Variants in NTNG1 observed in about 807,000 individuals in gnomAD.
NTNG1 encodes netrin G1.
A neutral mutation model predicts 54.0 loss-of-function variants in NTNG1; 16 were observed. That is an observed-to-expected ratio of 0.30 (90% CI 0.20 to 0.45). The LOEUF (loss-of-function observed/expected upper bound fraction) is 0.45. NTNG1 is among the 20% of genes least tolerant of loss of function. NTNG1 has a pLI of 1.00. For synonymous variants in NTNG1, 255 were observed against 263.1 expected (o/e 0.97, Z 0.30); for missense variants, 530 against 678.7 (o/e 0.78, Z 2.43).
At chr1:107,422,278 G>A (rs145644321) in intron 5 of NTNG1, among the ~76,000 whole-genome samples, 1 of 152,172 alleles carries the variant, frequency 6.6e-6, no homozygotes, top group African/African-American at 2.4e-5. Flanking sequence ...TATGTGGTGT[G>A]TCATATAGGC....
chr1:107,365,340 A>T (rs1297937498), intron 3 of NTNG1, among the ~76,000 whole-genome samples: 1 of 152,126 alleles, frequency 6.6e-6, no homozygotes, highest in Non-Finnish European at 1.5e-5. Context: ...GTTCCCTACC[A>T]AAAAAAGATA....
chr1:107,348,911 C>T (rs913441485), intron 3 of NTNG1, among the ~76,000 whole-genome samples: 13 of 152,210 alleles, frequency 8.5e-5, no homozygotes, highest in African/African-American at 2.9e-4. Context: ...TCAAAGTTCT[C>T]TTTTCCAAAC....
At chr1:107,348,012 CCATAT>C (rs1669358939) in intron 3 of NTNG1, among the ~76,000 whole-genome samples, 1 of 152,100 alleles carries the variant, frequency 6.6e-6, no homozygotes, top group Admixed American at 6.6e-5. Context: ...CAGAGCCAAA[CCATAT>C]CATATCTGTG....
chr1:107,221,239 T>C (rs1250716905), intron 2 of NTNG1, among the ~76,000 whole-genome samples: 1 of 152,166 alleles, frequency 6.6e-6, no homozygotes, highest in Non-Finnish European at 1.5e-5. Context: ...AATATACTTA[T>C]TAGCTTTTTT....
chr1:107,176,329 A>C (rs535787950), intron 2 of NTNG1, among the ~76,000 whole-genome samples: 1 of 152,326 alleles, frequency 6.6e-6, no homozygotes, highest in East Asian at 1.9e-4. Flanking sequence ...AATTAAAATA[A>C]AAATATGCAT....
intron 3 of NTNG1, among the ~76,000 whole-genome samples, chr1:107,357,895 T>C (rs1224357751): frequency 6.6e-6 from 1 of 152,158 alleles, no homozygotes; most frequent in Non-Finnish European, 1.5e-5. Flanking sequence ...ATATTAAAGT[T>C]GCACTTGGTT....
intron 3 of NTNG1, among the ~76,000 whole-genome samples, chr1:107,367,793 C>T (rs1270187920): frequency 6.6e-6 from 1 of 151,838 alleles, no homozygotes; most frequent in African/African-American, 2.4e-5. Context: ...CATGGAGTCT[C>T]ACTCTGTTGC....
At chr1:107,288,532 A>G (rs1665363563) in intron 2 of NTNG1, among the ~76,000 whole-genome samples, 1 of 152,198 alleles carries the variant, frequency 6.6e-6, no homozygotes, top group Admixed American at 6.5e-5. Context: ...TGGAGCAGGA[A>G]GATAATCAAA....
chr1:107,225,166 A>C (rs570573050), intron 2 of NTNG1, among the ~76,000 whole-genome samples: 1 of 152,116 alleles, frequency 6.6e-6, no homozygotes, highest in Non-Finnish European at 1.5e-5. Flanking sequence ...AGAACATAAG[A>C]TTTATATAGG....
chr1:107,201,341 A>G (rs543825961), intron 2 of NTNG1, among the ~76,000 whole-genome samples: 9 of 151,832 alleles, frequency 5.9e-5, no homozygotes, highest in South Asian at 4.2e-4. Context: ...CAATCTTCCA[A>G]TCTGAATCTC....
chr1:107,281,108 C>T (rs149681724), intron 2 of NTNG1, among the ~76,000 whole-genome samples: 10 of 152,234 alleles, frequency 6.6e-5, no homozygotes, highest in African/African-American at 1.9e-4. Context: ...TCTTATAGCA[C>T]ATTCTGGTGA....
At chr1:107,220,021 G>A (rs2101457148) in intron 2 of NTNG1, among the ~76,000 whole-genome samples, 1 of 152,230 alleles carries the variant, frequency 6.6e-6, no homozygotes, top group South Asian at 2.1e-4. Flanking sequence ...TCAGGTGTTA[G>A]GCATATCTGA....
chr1:107,341,385 T>C (rs996022345), intron 3 of NTNG1, among the ~76,000 whole-genome samples: 5 of 152,058 alleles, frequency 3.3e-5, no homozygotes, highest in Admixed American at 6.6e-5. Flanking sequence ...AAATTTATCA[T>C]TACCATATTC....
intron 2 of NTNG1, among the ~76,000 whole-genome samples, chr1:107,164,848 G>A (rs550069791): frequency 6.6e-5 from 10 of 152,178 alleles, no homozygotes; most frequent in Non-Finnish European, 1.3e-4. Flanking sequence ...TACTTCTATA[G>A]AAGGGTGCAA....
At chr1:107,369,047 CTT>C (rs1553233831) in intron 3 of NTNG1, among the ~76,000 whole-genome samples, 1 of 152,044 alleles carries the variant, frequency 6.6e-6, no homozygotes, top group Non-Finnish European at 1.5e-5. Flanking sequence ...TAATATGACT[CTT>C]TTATCACTTC....
At chr1:107,376,159 G>A (rs916840315) in intron 3 of NTNG1, among the ~76,000 whole-genome samples, 3 of 152,102 alleles carry the variant, frequency 2.0e-5, no homozygotes, top group African/African-American at 4.8e-5. Flanking sequence ...GGTGGCTCAC[G>A]CCTGTAATCC....
At chr1:107,287,841 T>C (rs372629178) in intron 2 of NTNG1, among the ~76,000 whole-genome samples, 1 of 152,158 alleles carries the variant, frequency 6.6e-6, no homozygotes, top group East Asian at 1.9e-4. Flanking sequence ...ACTCCTTTTT[T>C]AGATTAGGAT....
intron 3 of NTNG1, among the ~76,000 whole-genome samples, chr1:107,335,561 C>T (rs1668528072): frequency 6.6e-6 from 1 of 151,446 alleles, no homozygotes; most frequent in Admixed American, 6.6e-5. Flanking sequence ...TAGCGTGAGG[C>T]TAATTATGAG....
At chr1:107,162,680 C>A (rs1352038407) in intron 2 of NTNG1, among the ~76,000 whole-genome samples, 1 of 152,072 alleles carries the variant, frequency 6.6e-6, no homozygotes, top group Non-Finnish European at 1.5e-5. Context: ...AGAGTGGCAC[C>A]TTACATCTGG....
Sources: gnomAD v4.1 joint callset for allele counts (sites outside exome capture counted in the v4.1 genomes callset) on GRCh38, gnomAD v4.1.1 for gene constraint, MANE v1.5 for transcripts, NCBI Gene and HGNC (gene_info 2026-07-23, HGNC 2026-07-21) for gene names.